MPPED2: variants seen among roughly 807,000 people sequenced by gnomAD.
MPPED2 encodes the protein metallophosphoesterase domain containing 2.
In MPPED2, 5 loss-of-function variants were observed where a neutral mutation model predicts 33.0. The observed-to-expected ratio is 0.15, with a 90% CI of 0.08 to 0.32. The LOEUF (loss-of-function observed/expected upper bound fraction) is 0.32. Ranked by LOEUF, MPPED2 falls within the 10% of genes least tolerant of loss-of-function variation. The probability of loss-of-function intolerance (pLI) is 1.00; values close to 1 mark genes in which losing one functional copy is unlikely to be tolerated. For missense variants in MPPED2, 275 were observed against 372.1 expected, an observed-to-expected ratio of 0.74 and a Z score of 2.15; for synonymous variants, 136 against 141.9, an observed-to-expected ratio of 0.96 and a Z score of 0.29.
intron 4 of MPPED2, among the ~76,000 whole-genome samples, chr11:30,459,065 A>G (rs1484433497): frequency 6.7e-6 from 1 of 150,046 alleles, no homozygotes; most frequent in Admixed American, 6.6e-5. Flanking sequence ...AGCTGGGACT[A>G]CAGGCGCCCG....
chr11:30,585,610 C>T (rs1381645531), intron 1 of MPPED2, among the ~76,000 whole-genome samples: 6 of 152,114 alleles, frequency 3.9e-5, no homozygotes, highest in African/African-American at 1.4e-4. Context: ...GCCCGGCTTC[C>T]CCAGCTTCTC....
chr11:30,472,559 T>C lies in MPPED2; in HGVS notation c.536+22737A>G, dbSNP rs143067139. Among the ~76,000 whole-genome samples, 334 of 152,268 alleles carry C rather than the reference T, an allele frequency of 2.2e-3. 3 individuals carry two copies. Among genetic ancestry groups the C allele is most frequent in the African/African-American group, 7.4e-3 (308 of 41,542 alleles). ...GGATAAACAGCATGTGATGTATACA[T>C]ACAATGAAATATTATTCAGCCTTAC... is the stretch of plus-strand genomic sequence containing the variant. On this transcript the variant is annotated intron_variant, in intron 4 of 6. Transcript: ENST00000358117.
chr11:30,459,100 T>C (rs1474190502), intron 4 of MPPED2, among the ~76,000 whole-genome samples: 2 of 151,464 alleles, frequency 1.3e-5, no homozygotes, highest in Non-Finnish European at 2.9e-5. Context: ...TAATTTTTTG[T>C]ATTTTTAGTA....
chr11:30,480,908 G>T (rs1453325617), intron 4 of MPPED2, among the ~76,000 whole-genome samples: 1 of 152,040 alleles, frequency 6.6e-6, no homozygotes, highest in Non-Finnish European at 1.5e-5. Context: ...ATCTCCACAG[G>T]TAGGTCAGTT....
intron 4 of MPPED2, among the ~76,000 whole-genome samples, chr11:30,484,910 A>C (rs1391147211): frequency 2.0e-5 from 3 of 152,128 alleles, no homozygotes; most frequent in Non-Finnish European, 4.4e-5. Flanking sequence ...TAAGTTTCCT[A>C]TTTATCTCAT....
chr11:30,452,973 AC>A (rs1950127087), intron 4 of MPPED2, among the ~76,000 whole-genome samples: 1 of 152,152 alleles, frequency 6.6e-6, no homozygotes. Context: ...CACATACTGC[AC>A]CTTGCCCAAA....
chr11:30,418,957 G>A (rs10488819), intron 4 of MPPED2, among the ~76,000 whole-genome samples: 14,151 of 152,198 alleles, frequency 0.093, 722 homozygotes, highest in East Asian at 0.18. Context: ...CGCTGATATG[G>A]TGGAGAAAGT....
chr11:30,514,592 T>C (rs138925488), intron 3 of MPPED2, among the ~76,000 whole-genome samples: 1 of 152,304 alleles, frequency 6.6e-6, no homozygotes, highest in African/African-American at 2.4e-5. Flanking sequence ...AACTGTTCTA[T>C]GTTTACATGT....
chr11:30,458,001 C>T (rs1950353352), intron 4 of MPPED2, among the ~76,000 whole-genome samples: 1 of 152,142 alleles, frequency 6.6e-6, no homozygotes, highest in African/African-American at 2.4e-5. Flanking sequence ...AAATGGAGCC[C>T]CACATACGAT....
intron 2 of MPPED2, among the ~76,000 whole-genome samples, chr11:30,545,565 A>T (rs1477918152): frequency 6.6e-6 from 1 of 152,120 alleles, no homozygotes; most frequent in Non-Finnish European, 1.5e-5. Context: ...ATGATGAGAA[A>T]TGGCAGCAGT....
At chr11:30,433,122 T>A (rs1431866955) in intron 4 of MPPED2, among the ~76,000 whole-genome samples, 1 of 152,188 alleles carries the variant, frequency 6.6e-6, no homozygotes, top group Non-Finnish European at 1.5e-5. Context: ...TTAAGGGTAG[T>A]GTTTCTCATA....
chr11:30,468,229 TACACACACACAC>T (rs1174150864), intron 4 of MPPED2, among the ~76,000 whole-genome samples: 1 of 147,270 alleles, frequency 6.8e-6, no homozygotes, highest in African/African-American at 2.5e-5. Flanking sequence ...TGGCATACTA[TACACACACACAC>T]ACACACACAC....
In MPPED2 at chr11:30,495,276, C is replaced by T. The variant is rs1554982205; in HGVS notation, c.536+20G>A. On this transcript the variant is annotated intron_variant, in intron 4 of 6. Coordinates refer to ENST00000358117, the MANE Select transcript of MPPED2 (RefSeq NM_001584.3). Reference sequence around the variant, plus strand: ...CTGAGCTAAAAAGCAATGTGGAAAACTGTTTGAATCATCACTTACCAAGGT... The same window carrying T: ...CTGAGCTAAAAAGCAATGTGGAAAATTGTTTGAATCATCACTTACCAAGGT... 3.9e-6 allele frequency: 6 copies of T among 1,557,008 alleles called. No homozygotes were observed. Among genetic ancestry groups the T allele is most frequent in the Non-Finnish European group, 4.4e-6 (5 of 1,128,280 alleles).
chr11:30,498,989 G>A lies in MPPED2; in HGVS notation c.311-3468C>T, dbSNP rs1263896521. ...TTCTGTATCTTCTGCACTTAGTGGT[G>A]TCACATAAGTAGATACTCATGAACT... is the stretch of plus-strand genomic sequence containing the variant. On this transcript the variant is annotated intron_variant, in intron 3 of 6. Transcript: ENST00000358117. Among the ~76,000 whole-genome samples the A allele has an allele frequency of 2.0e-5, 3 of 152,252 alleles. No individual in the cohort carries two copies. The East Asian group carries it at 5.8e-4, about 30-fold the overall frequency.
At chr11:30,389,880 G>A (rs1176893760) in intron 6 of MPPED2, among the ~76,000 whole-genome samples, 1 of 152,068 alleles carries the variant, frequency 6.6e-6, no homozygotes, top group Non-Finnish European at 1.5e-5. Flanking sequence ...ATAATTTGGG[G>A]CATCAGAGTA....
At chr11:30,510,178 C>T (rs767443917) in intron 3 of MPPED2, among the ~76,000 whole-genome samples, 1 of 152,026 alleles carries the variant, frequency 6.6e-6, no homozygotes, top group Non-Finnish European at 1.5e-5. Flanking sequence ...TTAACCTGTA[C>T]TATCACGGTT....
At chr11:30,449,215 T>C (rs1031811312) in intron 4 of MPPED2, among the ~76,000 whole-genome samples, 1 of 149,758 alleles carries the variant, frequency 6.7e-6, no homozygotes, top group Admixed American at 6.7e-5. Context: ...CCCCTATGTA[T>C]AGCTAAAAAT....
intron 2 of MPPED2, among the ~76,000 whole-genome samples, chr11:30,561,369 T>TAGTTCAACTTAATGTGA (rs1956231855): frequency 6.6e-6 from 1 of 152,212 alleles, no homozygotes; most frequent in Non-Finnish European, 1.5e-5. Context: ...TGAAGTTCAA[T>TAGTTCAACTTAATGTGA]AGTTCAACTT....
chr11:30,462,572 C>T (rs554229002), intron 4 of MPPED2, among the ~76,000 whole-genome samples: 35 of 152,228 alleles, frequency 2.3e-4, no homozygotes, highest in Non-Finnish European at 3.8e-4. Flanking sequence ...ACAATGACTT[C>T]CTTTATTAAG....
Sources: gnomAD v4.1 joint callset for allele counts (sites outside exome capture counted in the v4.1 genomes callset) on GRCh38, gnomAD v4.1.1 for gene constraint, MANE v1.5 for transcripts, NCBI Gene and HGNC (gene_info 2026-07-23, HGNC 2026-07-21) for gene names.